Variants in ADH1B observed in about 807,000 individuals in gnomAD.
The protein encoded by ADH1B is all-trans-retinol dehydrogenase [NAD(+)] ADH1B.
A neutral mutation model predicts 34.6 loss-of-function variants in ADH1B; 29 were observed. The ratio of observed to expected loss-of-function variants is 0.84; its 90% CI spans 0.62 to 1.14. The LOEUF (loss-of-function observed/expected upper bound fraction) is 1.14, where lower values mean the gene tolerates loss of function less well. ADH1B is among the 50% of genes most tolerant of loss of function. ADH1B has a pLI of 0.00. For missense variants in ADH1B, 424 were observed against 468.4 expected, an observed-to-expected ratio of 0.91 and a Z score of 0.87; for synonymous variants, 170 against 175.5, an observed-to-expected ratio of 0.97 and a Z score of 0.25.
At chr4:99,313,265 G>T (rs1266344617) in intron 6 of ADH1B, among the ~76,000 whole-genome samples, 1 of 152,042 alleles carries the variant, frequency 6.6e-6, no homozygotes, top group Non-Finnish European at 1.5e-5. Context: ...TTGGGTACTA[G>T]CTATGTGCCA....
chr4:99,314,319 C>T, intron 5 of ADH1B: 1 of 650,494 alleles, frequency 1.5e-6, no homozygotes, highest in Non-Finnish European at 2.5e-6. Flanking sequence ...ACAAAATATC[C>T]CACAGTCCAG....
At chr4:99,310,433 T>C (rs1733721100) in intron 8 of ADH1B, 2 of 399,532 alleles carry the variant, frequency 5.0e-6, no homozygotes, top group East Asian at 1.5e-4. Context: ...AGACACCATG[T>C]TATAATTATG....
chr4:99,313,927 C>A lies in ADH1B; in HGVS notation c.722G>T (p.Cys241Phe). Residue 241 changes from cysteine to phenylalanine, a missense_variant, in exon 6 of 9, where the codon TGC becomes TTC. Coordinates refer to ENST00000305046, the MANE Select transcript of ADH1B (RefSeq NM_000668.6). ...TTTCTTGTAGTCTTGAGGGTTGATG[C>A]ATTCAGTGGCACCCAACTCTTTGGC... Reference protein sequence around the residue: ...AKAKELGATECINPQDYKKPI... With the variant: ...AKAKELGATEFINPQDYKKPI... 1.2e-6 allele frequency: 2 copies of A among 1,614,086 alleles called. No individual in the cohort carries two copies. The highest frequency in any genetic ancestry group is 1.7e-6 in the Non-Finnish European group (2 of 1,180,016).
Position 99,307,707 on chromosome 4 carries a change from G to A in ADH1B, c.*133C>T. 9.4e-7 allele frequency: 1 copy of A among 1,066,802 alleles called. No homozygotes were observed. Among genetic ancestry groups the A allele is most frequent in the Non-Finnish European group, 1.4e-6 (1 of 726,768 alleles). The allele number at this position is 1,066,802 out of a possible 1,614,324, so 66.1% of individuals were successfully genotyped here. A position where few individuals can be genotyped will look rare whatever the true frequency, so the allele number is the denominator to read the frequency against. On this transcript the variant is annotated 3_prime_UTR_variant, in exon 9 of 9. Coordinates refer to ENST00000305046, the MANE Select transcript of ADH1B (RefSeq NM_000668.6). The stretch of plus-strand genomic sequence containing the variant: ...ATTTCCCATCAATTTCCATTTCTTT[G>A]GAAAGCCCCCATGTGTAATTTATTG...
chr4:99,318,705 G>T, intron 2 of ADH1B, 80 bp downstream of exon 2: 1 of 1,351,896 alleles, frequency 7.4e-7, no homozygotes, highest in Non-Finnish European at 1.0e-6. Flanking sequence ...GCCTCTTAGT[G>T]GATTTTTGGA....
intron 8 of ADH1B, among the ~76,000 whole-genome samples, chr4:99,308,757 A>C (rs1191364480): frequency 6.6e-6 from 1 of 152,100 alleles, no homozygotes; most frequent in Non-Finnish European, 1.5e-5. Flanking sequence ...CAGCAGGAAG[A>C]AGAAAGTAAA....
At chr4:99,317,131 A>C (rs1316551614) in intron 3 of ADH1B, 1 of 152,182 alleles carries the variant, frequency 6.6e-6, no homozygotes, top group Non-Finnish European at 1.5e-5. Flanking sequence ...TTCACAGTTT[A>C]AATTGGTATT....
chr4:99,312,952 A>G (rs1733788551), intron 6 of ADH1B, among the ~76,000 whole-genome samples: 1 of 152,208 alleles, frequency 6.6e-6, no homozygotes, highest in African/African-American at 2.4e-5. Flanking sequence ...CATGTAATCT[A>G]TAAGCAATGC....
At chr4:99,315,576 G>T in intron 5 of ADH1B, 1 of 395,134 alleles carries the variant, frequency 2.5e-6, no homozygotes, top group Non-Finnish European at 4.7e-6. Context: ...AACCTATGGT[G>T]CCTGAGGCAT....
chr4:99,321,168 C>T, intron 1 of ADH1B, 146 bp downstream of exon 1: 1 of 680,708 alleles, frequency 1.5e-6, no homozygotes, highest in South Asian at 1.8e-5. Flanking sequence ...GTATACATTA[C>T]ATATTGAGGT....
At chr4:99,318,979 C>A in intron 1 of ADH1B, 93 bp from the exon 2 acceptor site, 1 of 1,335,356 alleles carries the variant, frequency 7.5e-7, no homozygotes, top group Non-Finnish European at 1.1e-6. Flanking sequence ...AATATTGCGT[C>A]CCATGTCTGG....
In ADH1B at chr4:99,316,052, A is replaced by G. The variant is rs376639376; in HGVS notation, c.413T>C (p.Ile138Thr). 18 of 1,614,086 alleles carry G rather than the reference A, an allele frequency of 1.1e-5. No individual in the cohort carries two copies. The African/African-American group carries it at 1.7e-4, about 16-fold the overall frequency. ...TRRFTCRGKP[I>T]HHFLGTSTFS... is the part of the protein sequence containing the mutation. ...GGTGCTGGTGCCAAGGAAGTGGTGA[A>G]TGGGCTTCCCCCTGCAGGTGAACCT... Residue 138 changes from isoleucine (I) to threonine (T), a missense_variant, in exon 5 of 9, where the codon ATT (isoleucine) becomes ACT (threonine). By Grantham distance (89) the Ile-to-Thr change is moderately conservative. Transcript: ENST00000305046.
In ADH1B at chr4:99,314,219, G is replaced by T. The variant is rs1223963107; in HGVS notation, c.568-138C>A. 6.5e-6 allele frequency: 9 copies of T among 1,375,910 alleles called. No homozygotes were observed. In the African/African-American group the frequency reaches 1.3e-4, roughly 20 times the overall value. The allele number at this position is 1,375,910 out of a possible 1,614,324, so 85.2% of individuals were successfully genotyped here. Reference sequence around the variant, plus strand: ...CCAACCGTTTATCAAAACCTCTTTTGGCTTCAGTTGCTTTATTTTTAAATT... The same window carrying T: ...CCAACCGTTTATCAAAACCTCTTTTTGCTTCAGTTGCTTTATTTTTAAATT... On this transcript the variant is annotated intron_variant, in intron 5 of 8. Coordinates refer to ENST00000305046, the MANE Select transcript of ADH1B (RefSeq NM_000668.6).
At chr4:99,311,905 T>C (rs1177696075) in intron 6 of ADH1B, among the ~76,000 whole-genome samples, 1 of 152,108 alleles carries the variant, frequency 6.6e-6, no homozygotes, top group Non-Finnish European at 1.5e-5. Context: ...CTAATAAAGG[T>C]ATTTTGAACC....
rs951297322 is a variant in ADH1B at position 99,316,082 on chromosome 4, G to A, written c.383C>T (p.Thr128Ile). 1.9e-6 allele frequency: 3 copies of A among 1,614,046 alleles called. No individual in the cohort carries two copies. Among genetic ancestry groups the A allele is most frequent in the Non-Finnish European group, 2.5e-6 (3 of 1,180,034 alleles). Residue 128 changes from threonine (T) to isoleucine (I), a missense_variant, in exon 5 of 9, where the codon ACC becomes ATC. Thr to Ile is a moderately conservative substitution (Grantham distance 89). Transcript: ENST00000305046. ...CTTCCCCCTGCAGGTGAACCTCCTG[G>A]TGCCATCCTGCAGGGTCCCCCGAGG... ...GNPRGTLQDG[T>I]RRFTCRGKPI...
chr4:99,306,251 C>G lies in ADH1B; in HGVS notation c.*1589G>C, dbSNP rs1254554612. 1 of 152,212 alleles carries G rather than the reference C, an allele frequency of 6.6e-6. No individual in the cohort carries two copies. Among genetic ancestry groups the G allele is most frequent in the Non-Finnish European group, 1.5e-5 (1 of 68,088 alleles). 9.4% of individuals were successfully genotyped at this position (152,212 alleles called of 1,614,324 possible). On this transcript the variant is annotated 3_prime_UTR_variant, in exon 9 of 9. Transcript: ENST00000305046. ...AAACTCCTGACCTCAGGTCATCCAC[C>G]CGTCTTGACCTCCCAAAGTGCTGGG...
intron 5 of ADH1B, 128 bp downstream of exon 5, chr4:99,315,770 C>A: frequency 1.7e-6 from 2 of 1,158,334 alleles, no homozygotes; most frequent in South Asian, 1.5e-5. Flanking sequence ...CTTTCTGGGC[C>A]ATTTTTCTAC....
intron 8 of ADH1B, chr4:99,310,496 A>AGT: frequency 2.5e-6 from 1 of 407,054 alleles, no homozygotes; most frequent in Non-Finnish European, 4.4e-6. Context: ...GGCAAATGTG[A>AGT]GTGTTCTCTT....
chr4:99,310,947 T>C, intron 7 of ADH1B, 44 bp from the exon 8 acceptor site: 2 of 1,595,894 alleles, frequency 1.3e-6, no homozygotes, highest in Non-Finnish European at 1.7e-6. Flanking sequence ...CTAGGGTAAG[T>C]AGGAGAATTG....
Sources: gnomAD v4.1 joint callset for allele counts (sites outside exome capture counted in the v4.1 genomes callset) on GRCh38, gnomAD v4.1.1 for gene constraint, MANE v1.5 for transcripts, NCBI Gene and HGNC (gene_info 2026-07-23, HGNC 2026-07-21) for gene names.